Variants in TENM3 observed in about 807,000 individuals in gnomAD.
TENM3 encodes teneurin-3.
Under a neutral mutation model 255.1 loss-of-function variants are expected in TENM3, and 63 were observed. The ratio of observed to expected loss-of-function variants is 0.25; its 90% CI spans 0.20 to 0.30. The LOEUF (loss-of-function observed/expected upper bound fraction) is 0.30, where lower values mean the gene tolerates loss of function less well. TENM3 is among the 10% of genes least tolerant of loss of function. The pLI is 1.00. For synonymous variants in TENM3, 1,306 were observed against 1,322.3 expected, an observed-to-expected ratio of 0.99 and a Z score of 0.27; for missense variants, 2,929 against 3,461.1, an observed-to-expected ratio of 0.85 and a Z score of 3.86.
the TENM3 span, among the ~76,000 whole-genome samples, chr4:182,073,658 G>A: frequency 1.2e-4 from 19 of 152,116 alleles, no homozygotes; most frequent in Admixed American, 5.9e-4. Flanking sequence ...AGGTTGAAGA[G>A]CTCAAAAAAT....
At chr4:182,694,929 T>G (rs1338107846) in intron 12 of TENM3, among the ~76,000 whole-genome samples, 3 of 152,200 alleles carry the variant, frequency 2.0e-5, no homozygotes, top group Non-Finnish European at 4.4e-5. Context: ...AATTAAAAAG[T>G]AAGTGACAAA....
chr4:182,783,428 A>G (rs1172461777), intron 24 of TENM3, among the ~76,000 whole-genome samples: 1 of 152,164 alleles, frequency 6.6e-6, no homozygotes, highest in Non-Finnish European at 1.5e-5. Context: ...GAGATCCGCT[A>G]TTAGTCTGAT....
chr4:181,686,381 A>G, the TENM3 span, among the ~76,000 whole-genome samples: 7 of 152,188 alleles, frequency 4.6e-5, no homozygotes, highest in Non-Finnish European at 1.0e-4. Flanking sequence ...TTGTTGTTGA[A>G]TCAGACAGAT....
chr4:182,481,043 T>C (rs997053516), intron 3 of TENM3, among the ~76,000 whole-genome samples: 5 of 150,060 alleles, frequency 3.3e-5, no homozygotes, highest in African/African-American at 1.2e-4. Flanking sequence ...TATAATCCTC[T>C]TATCTATTGC....
Position 182,335,461 on chromosome 4 carries a change from C to G in TENM3, c.233-11190C>G, listed in dbSNP as rs1389827294. 6.4e-5 allele frequency among the ~76,000 whole-genome samples: 8 copies of G among 125,416 alleles called. 1 individual carries two copies. The highest frequency in any genetic ancestry group is 1.4e-4 in the Non-Finnish European group (8 of 59,224). The allele number at this position is 125,416 out of a possible 152,430, so 82.3% of individuals were successfully genotyped here. The stretch of plus-strand genomic sequence containing the variant: ...AGTGAGCCGAGATCGCGCCACCGCA[C>G]TCCAGCCTGGGCGACAGAGCGAGAC... On this transcript the variant is annotated intron_variant, in intron 2 of 27. Transcript: ENST00000511685.
chr4:182,534,096 A>T (rs534012153), intron 3 of TENM3, among the ~76,000 whole-genome samples: 7 of 152,332 alleles, frequency 4.6e-5, no homozygotes, highest in African/African-American at 1.7e-4. Flanking sequence ...ATGTACTCTA[A>T]GAATACAAAA....
intron 12 of TENM3, among the ~76,000 whole-genome samples, chr4:182,703,786 A>G (rs925817740): frequency 1.3e-5 from 2 of 152,198 alleles, no homozygotes; most frequent in Non-Finnish European, 2.9e-5. Context: ...TTTCATACGT[A>G]AAAGTGTTAG....
At chr4:182,279,259 A>T (rs1308904106) in intron 1 of TENM3, among the ~76,000 whole-genome samples, 1 of 152,132 alleles carries the variant, frequency 6.6e-6, no homozygotes, top group East Asian at 1.9e-4. Context: ...AATATGACAG[A>T]TTATATATAT....
chr4:182,636,850 T>A (rs548801723), intron 5 of TENM3, among the ~76,000 whole-genome samples: 2 of 152,328 alleles, frequency 1.3e-5, no homozygotes, highest in Admixed American at 6.5e-5. Context: ...TAAAGTCAGC[T>A]TACATCCAGT....
chr4:181,893,491 A>ACCCCCCCCC, the TENM3 span, among the ~76,000 whole-genome samples: 1 of 24,908 alleles, frequency 4.0e-5, no homozygotes, highest in Non-Finnish European at 7.6e-5. Flanking sequence ...TCCCCTGCCC[A>ACCCCCCCCC]CCCCCCCCCC....
the TENM3 span, among the ~76,000 whole-genome samples, chr4:182,113,396 A>G: frequency 6.6e-6 from 1 of 152,166 alleles, no homozygotes; most frequent in Non-Finnish European, 1.5e-5. Context: ...CTTGTAAAGA[A>G]CTCACAGAGA....
chr4:182,126,287 G>C, the TENM3 span, among the ~76,000 whole-genome samples: 1 of 152,052 alleles, frequency 6.6e-6, no homozygotes, highest in African/African-American at 2.4e-5. Flanking sequence ...TCCCAGAGAT[G>C]TACAAAAAAA....
the TENM3 span, among the ~76,000 whole-genome samples, chr4:181,575,525 A>G: frequency 6.6e-6 from 1 of 152,270 alleles, no homozygotes; most frequent in Middle Eastern, 3.4e-3. Context: ...CTCTTCTATT[A>G]TTTTCTTTCT....
At chr4:181,669,563 C>A in the TENM3 span, among the ~76,000 whole-genome samples, 1 of 152,062 alleles carries the variant, frequency 6.6e-6, no homozygotes, top group Non-Finnish European at 1.5e-5. Flanking sequence ...GGGTTTCTTC[C>A]CCTTCTTCCC....
In TENM3 at chr4:182,792,173, A is replaced by G. The variant is rs1268087739; in HGVS notation, c.5602-101A>G. The G allele has an allele frequency of 1.8e-6, 2 of 1,104,186 alleles. No individual in the cohort carries two copies. Among genetic ancestry groups the G allele is most frequent in the African/African-American group, 3.1e-5 (2 of 63,602 alleles). The allele number at this position is 1,104,186 out of a possible 1,614,324, so 68.4% of individuals were successfully genotyped here. On this transcript the variant is annotated intron_variant, in intron 25 of 27. Coordinates refer to ENST00000511685, the MANE Select transcript of TENM3 (RefSeq NM_001080477.4). This position sits in a 1 kb window ranked among gnomAD's most constrained non-coding sequence, Gnocchi z 6.3. ...GGATAACTCAATTAAAATGAAAATCATTTTCTCTAGTGGAATGTTTCTGTG... is the reference window on the plus strand; with the variant it reads ...GGATAACTCAATTAAAATGAAAATCGTTTTCTCTAGTGGAATGTTTCTGTG...
chr4:182,615,763 A>T lies in TENM3; in HGVS notation c.750-12888A>T, dbSNP rs71620935. On this transcript the variant is annotated intron_variant, in intron 4 of 27. Transcript: ENST00000511685. Reference sequence around the variant, plus strand: ...AAAAAGAGTGAGATGACATAAAGCAATGAAAAATGTTTAAGCCCTTTGACT... The same window carrying T: ...AAAAAGAGTGAGATGACATAAAGCATTGAAAAATGTTTAAGCCCTTTGACT... Among the ~76,000 whole-genome samples the T allele has an allele frequency of 4.4e-3, 663 of 152,258 alleles. 4 individuals carry two copies. Among genetic ancestry groups the T allele is most frequent in the African/African-American group, 0.015 (625 of 41,548 alleles).
At chr4:182,702,812 A>G (rs1218708129) in intron 12 of TENM3, among the ~76,000 whole-genome samples, 1 of 149,956 alleles carries the variant, frequency 6.7e-6, no homozygotes, top group African/African-American at 2.5e-5. Flanking sequence ...ATCTCGGCTC[A>G]CTGCAAGCTC....
intron 1 of TENM3, among the ~76,000 whole-genome samples, chr4:182,255,042 C>G (rs921189563): frequency 3.9e-5 from 6 of 152,112 alleles, no homozygotes; most frequent in Non-Finnish European, 8.8e-5. Flanking sequence ...CTGGTACTTT[C>G]GGAAAATATC....
the TENM3 span, among the ~76,000 whole-genome samples, chr4:181,527,253 A>T: frequency 6.6e-6 from 1 of 152,164 alleles, no homozygotes; most frequent in African/African-American, 2.4e-5. Context: ...ATTTTTAATG[A>T]CTTTTTGTAA....
Sources: gnomAD v4.1 joint callset for allele counts (sites outside exome capture counted in the v4.1 genomes callset) on GRCh38, gnomAD v4.1.1 for gene constraint, Gnocchi (gnomAD v3.1) non-coding constraint, MANE v1.5 for transcripts, NCBI Gene and HGNC (gene_info 2026-07-23, HGNC 2026-07-21) for gene names.